The following SPSB3 variants were observed in gnomAD, a reference collection of about 807,000 sequenced individuals.
SPSB3 encodes the protein splA/ryanodine receptor domain and SOCS box containing 3.
Under a neutral mutation model 29.5 loss-of-function variants are expected in SPSB3, and 18 were observed. That is an observed-to-expected ratio of 0.61 (90% CI 0.42 to 0.91). The LOEUF is 0.91. Among genes scored for constraint, SPSB3 ranks in the 40% least tolerant of loss-of-function variants. SPSB3 has a pLI of 0.00. For synonymous variants in SPSB3, 299 were observed against 214.1 expected, an observed-to-expected ratio of 1.40 and a Z score of -3.46; for missense variants, 540 against 507.5, an observed-to-expected ratio of 1.06 and a Z score of -0.61.
chr16:1,781,842 T>C (rs954792542), intron 1 of SPSB3: 1 of 276,392 alleles, frequency 3.6e-6, no homozygotes, highest in Non-Finnish European at 7.0e-6. Flanking sequence ...GTTTGACAAA[T>C]GGCATCTCCG....
chr16:1,777,333 G>A lies in SPSB3; in HGVS notation c.832C>T (p.Gln278Ter), dbSNP rs2042729252. The A allele has an allele frequency of 1.2e-6, 2 of 1,608,722 alleles. No individual in the cohort carries two copies. Among genetic ancestry groups the A allele is most frequent in the African/African-American group, 1.3e-5 (1 of 75,052 alleles). Residue 278 changes from glutamine to a stop codon, truncating the protein, a stop_gained, in exon 7 of 7, where the codon CAG becomes TAG. Coordinates refer to ENST00000566339, the MANE Select transcript of SPSB3 (RefSeq NM_080861.4). LOFTEE classifies it high-confidence loss of function. ...TRSCASATSL[Q>*]YLCCHRLRQL... is the part of the protein sequence containing the mutation. The stretch of plus-strand genomic sequence containing the variant: ...CGCAGGCGGTGGCAGCACAGGTACT[G>A]GAGGGAAGTGGCGCTGGCACAGGAG...
Position 1,777,134 on chromosome 16 carries a change from G to A in SPSB3, c.1031C>T (p.Pro344Leu), listed in dbSNP as rs368079833. Residue 344 changes from proline to leucine, a missense_variant, in exon 7 of 7, where the codon CCT becomes CTT. Coordinates refer to ENST00000566339, the MANE Select transcript of SPSB3 (RefSeq NM_080861.4). ...GCAGCGCTTCCTCTGGCAGGGCCGA[G>A]GCTCGCGACTGCTGGGGTGGGCGGA... is the stretch of plus-strand genomic sequence containing the variant. ...ATSAHPSSRE[P>L]RPCQRKRCRR... The A allele has an allele frequency of 5.0e-5, 80 of 1,611,558 alleles. No homozygotes were observed. Among genetic ancestry groups the A allele is most frequent in the Non-Finnish European group, 6.7e-5 (79 of 1,179,698 alleles).
At chr16:1,779,665 C>G (rs1477375675) in intron 2 of SPSB3, 1 of 152,428 alleles carries the variant, frequency 6.6e-6, no homozygotes, top group Non-Finnish European at 1.5e-5. Context: ...AACTGAGCAC[C>G]TGCACTGCAG....
In SPSB3 at chr16:1,777,811, G is replaced by C. The variant is rs2042736262; in HGVS notation, c.657C>G (p.Ile219Met). ...SFSSRFGQGS[I>M]IGVHLDTWHG... ...GCCAGGTGTCCAGGTGCACGCCAAT[G>C]ATGGAGCCCTGGCCGAACCGCGATG... Residue 219 changes from isoleucine (I) to methionine (M), a missense_variant, in exon 6 of 7, where the codon ATC becomes ATG. Ile to Met is a conservative substitution (Grantham distance 10, BLOSUM62 1). Transcript: ENST00000566339. The C allele has an allele frequency of 1.2e-6, 2 of 1,612,802 alleles. No individual in the cohort carries two copies. Among genetic ancestry groups the C allele is most frequent in the Non-Finnish European group, 1.7e-6 (2 of 1,179,922 alleles).
intron 1 of SPSB3, 155 bp from the exon 2 acceptor site, chr16:1,781,650 A>G (rs910341088): frequency 1.4e-6 from 1 of 738,288 alleles, no homozygotes; most frequent in Non-Finnish European, 2.2e-6. Flanking sequence ...CCCGTACCTC[A>G]CTCCAGGATC....
Position 1,778,586 on chromosome 16 carries a change from C to G in SPSB3, c.153G>C (p.Glu51Asp). 6.3e-7 allele frequency: 1 copy of G among 1,582,230 alleles called. No homozygotes were observed. Among genetic ancestry groups the G allele is most frequent in the Non-Finnish European group, 8.6e-7 (1 of 1,160,264 alleles). The change falls in exon 3 of 7, where the codon GAG (glutamate) becomes GAC (aspartate). Residue 51 changes from glutamate to aspartate, a missense_variant. Transcript: ENST00000566339. The part of the protein sequence containing the change: ...GQHSDSDSDP[E>D]YSTLPPSIPS... ...GGATGGATGGCGGCAGCGTGGAGTA[C>G]TCGGGGTCGGAGTCCGAGTCGCTGT...
Position 1,781,420 on chromosome 16 carries a change from C to T in SPSB3, c.64G>A (p.Ala22Thr), listed in dbSNP as rs756665663. The change falls in exon 2 of 7, where the codon GCA (alanine) becomes ACA (threonine). Residue 22 changes from alanine (A) to threonine (T), a missense_variant. Transcript: ENST00000566339. ...GCTAGAGCCACGGCCCGGGCATCTG[C>T]GTCTCGGCGGGCTGCACTCAGGACG... ...HFVLSAARRDADARAVALAGS... is the reference protein window; with the variant it reads ...HFVLSAARRDTDARAVALAGS... The T allele has an allele frequency of 5.6e-6, 9 of 1,612,712 alleles. No individual in the cohort carries two copies. The highest frequency in any genetic ancestry group is 5.5e-5 in the South Asian group (5 of 91,082).
At position 1,777,383 on chromosome 16, in the gene SPSB3, G is replaced by C; in HGVS notation, c.782C>G (p.Ala261Gly). The C allele has an allele frequency of 6.3e-7, 1 of 1,597,072 alleles. No individual in the cohort carries two copies. Among genetic ancestry groups the C allele is most frequent in the East Asian group, 2.2e-5 (1 of 44,554 alleles). ...GCGGGTGACCTTCATGCTGCTCCGG[G>C]CCGCCGTGGAGCACACCATCGGGTA... ...RFYPMVCSTA[A>G]RSSMKVTRSC... Residue 261 changes from alanine (A) to glycine (G), a missense_variant, in exon 7 of 7, where the codon GCC (alanine) becomes GGC (glycine). Physicochemically the swap from Ala to Gly is moderately conservative, Grantham distance 60. Transcript: ENST00000566339.
In SPSB3 at chr16:1,778,015, C is replaced by T. The variant is rs765544910; in HGVS notation, c.526G>A (p.Asp176Asn). 3.1e-6 allele frequency: 5 copies of T among 1,613,242 alleles called. No individual in the cohort carries two copies. The East Asian group carries it at 8.9e-5, about 29-fold the overall frequency. Residue 176 changes from aspartate (D) to asparagine (N), a missense_variant, in exon 5 of 7, where the codon GAC becomes AAC. Coordinates refer to ENST00000566339, the MANE Select transcript of SPSB3 (RefSeq NM_080861.4). ...CTGCAGAACGTGTGGCGGTATTTGT[C>T]CAGGTCCACATCCGACGTCCCGATG... is the stretch of plus-strand genomic sequence containing the variant. ...VGIGTSDVDL[D>N]KYRHTFCSLL... is the part of the protein sequence containing the mutation.
In SPSB3 at chr16:1,777,292, G is replaced by A. The variant is rs2042728508; in HGVS notation, c.873C>T (p.Asp291=). Residue 291 remains aspartate, a synonymous_variant, in exon 7 of 7, where the codon GAC becomes GAT. Transcript: ENST00000566339. ...CCHRLRQLRP[D]SGDTLEGLPL... Reference sequence around the variant, plus strand: ...GCAGACCCTCCAGCGTGTCTCCCGAGTCTGGCCGCAGCTGGCGCAGGCGGT... The same window carrying A: ...GCAGACCCTCCAGCGTGTCTCCCGAATCTGGCCGCAGCTGGCGCAGGCGGT... The A allele has an allele frequency of 1.2e-6, 2 of 1,610,246 alleles. No homozygotes were observed. The highest frequency in any genetic ancestry group is 1.7e-5 in the Admixed American group (1 of 59,960).
rs2042738710 is a variant in SPSB3, at chr16:1,777,941, C to T, written c.595+5G>A. 1.2e-6 allele frequency: 2 copies of T among 1,612,402 alleles called. No individual in the cohort carries two copies. Among genetic ancestry groups the T allele is most frequent in the African/African-American group, 1.3e-5 (1 of 74,882 alleles). ...CGGCCCCGCCCCACCCTGGGCCTCA[C>T]GCACCCGTGTAGGAGAGGCCCCAGC... is the stretch of plus-strand genomic sequence containing the variant. On this transcript the variant is annotated splice_donor_5th_base_variant and intron_variant, in intron 5 of 6. Transcript: ENST00000566339.
rs2141987387 is a variant in SPSB3 at position 1,778,056 on chromosome 16, C to G, written c.493-8G>C. On this transcript the variant is annotated splice_polypyrimidine_tract_variant and splice_region_variant and intron_variant, in intron 4 of 6. Coordinates refer to ENST00000566339, the MANE Select transcript of SPSB3 (RefSeq NM_080861.4). ...CGTCCCGATGCCCACCATCTAGGAACAGGGGCCAGGCAGAGGGCGCGGGGC... is the reference window on the plus strand; with the variant it reads ...CGTCCCGATGCCCACCATCTAGGAAGAGGGGCCAGGCAGAGGGCGCGGGGC... 1 of 1,613,164 alleles carries G rather than the reference C, an allele frequency of 6.2e-7. No homozygotes were observed. Among genetic ancestry groups the G allele is most frequent in the East Asian group, 2.2e-5 (1 of 44,872 alleles).
chr16:1,777,049 G>C lies in SPSB3; in HGVS notation c.*48C>G. ...AAGGGACAGAGAAAGAAGGGACAGAGGAAAGGGGCTGTCCCAGCCCAAGAA... is the reference window on the plus strand; with the variant it reads ...AAGGGACAGAGAAAGAAGGGACAGACGAAAGGGGCTGTCCCAGCCCAAGAA... On this transcript the variant is annotated 3_prime_UTR_variant, in exon 7 of 7. Transcript: ENST00000566339. The C allele has an allele frequency of 6.4e-7, 1 of 1,574,032 alleles. No homozygotes were observed. Among genetic ancestry groups the C allele is most frequent in the Non-Finnish European group, 8.7e-7 (1 of 1,155,222 alleles).
rs778576287 is a variant in SPSB3 at position 1,778,475 on chromosome 16, G to A, written c.264C>T (p.Ala88=). The change falls in exon 3 of 7, where the codon GCC becomes GCT. Residue 88 remains alanine, a synonymous_variant. Transcript: ENST00000566339. ...EASFCSSLHS[A]HRGRDCRCGE... ...CGCAGCGGCAGTCCCTGCCCCGGTG[G>A]GCCGAGTGCAGGCTGCTACAGAAGG... 3 of 1,611,558 alleles carry A rather than the reference G, an allele frequency of 1.9e-6. No homozygotes were observed. The highest frequency in any genetic ancestry group is 1.7e-6 in the Non-Finnish European group (2 of 1,179,352).
rs2042724407 is a variant in SPSB3, at chr16:1,777,062, C to T, written c.*35G>A. 1 of 1,591,912 alleles carries T rather than the reference C, an allele frequency of 6.3e-7. No individual in the cohort carries two copies. The highest frequency in any genetic ancestry group is 8.6e-7 in the Non-Finnish European group (1 of 1,165,968). ...AGAAGGGACAGAGGAAAGGGGCTGT[C>T]CCAGCCCAAGAAGGCAGTTCCACTG... On this transcript the variant is annotated 3_prime_UTR_variant, in exon 7 of 7. Coordinates refer to ENST00000566339, the MANE Select transcript of SPSB3 (RefSeq NM_080861.4).
At chr16:1,777,904 G>A in intron 5 of SPSB3, 32 bp from the exon 6 acceptor site, 1 of 1,611,832 alleles carries the variant, frequency 6.2e-7, no homozygotes, top group South Asian at 1.1e-5. Flanking sequence ...GTGAGCCCGG[G>A]AGCTCCAGGC....
chr16:1,781,697 A>C, intron 1 of SPSB3: 1 of 579,050 alleles, frequency 1.7e-6, no homozygotes, highest in Non-Finnish European at 3.0e-6. Flanking sequence ...ATCCTGTGAA[A>C]CGCCACCCAG....
At chr16:1,778,703 C>A in intron 2 of SPSB3, 91 bp from the exon 3 acceptor site, 1 of 1,426,382 alleles carries the variant, frequency 7.0e-7, no homozygotes, top group African/African-American at 1.4e-5. Context: ...TGTCCCTGAC[C>A]CACCCAGGAA....
At position 1,776,844 on chromosome 16, in the gene SPSB3, G is replaced by C. The variant is rs1040650883; in HGVS notation, c.*253C>G. 1 of 541,210 alleles carries C rather than the reference G, an allele frequency of 1.8e-6. No homozygotes were observed. Among genetic ancestry groups the C allele is most frequent in the Non-Finnish European group, 3.3e-6 (1 of 307,206 alleles). 33.5% of individuals were successfully genotyped at this position (541,210 alleles called of 1,614,324 possible). On this transcript the variant is annotated 3_prime_UTR_variant, in exon 7 of 7. Transcript: ENST00000566339. Reference sequence around the variant, plus strand: ...GGAACAGCAACGCGGGCTCCAGCCAGGCTCTCGTCCTCGCAGCCTCCCACA... The same window carrying C: ...GGAACAGCAACGCGGGCTCCAGCCACGCTCTCGTCCTCGCAGCCTCCCACA...
Sources: allele counts gnomAD v4.1 joint callset, GRCh38; gene constraint gnomAD v4.1.1; transcripts MANE v1.5; gene names NCBI Gene and HGNC (gene_info 2026-07-23, HGNC 2026-07-21).